PTPRN2: variants seen among roughly 807,000 people sequenced by gnomAD.
The protein encoded by PTPRN2 is receptor-type tyrosine-protein phosphatase N2.
Under a neutral mutation model 118.8 loss-of-function variants are expected in PTPRN2, and 74 were observed. The ratio of observed to expected loss-of-function variants is 0.62; its 90% confidence interval spans 0.52 to 0.76. PTPRN2 has a LOEUF of 0.76. Ranked by LOEUF, PTPRN2 falls within the 30% of genes least tolerant of loss-of-function variation. The pLI is 0.00. For synonymous variants in PTPRN2, 641 were observed against 608.0 expected (o/e 1.05, Z -0.80); for missense variants, 1,481 against 1,394.4 (o/e 1.06, Z -0.99).
At chr7:158,415,887 A>C (rs936147381) in intron 2 of PTPRN2, among the ~76,000 whole-genome samples, 3 of 152,214 alleles carry the variant, frequency 2.0e-5, no homozygotes, top group Non-Finnish European at 4.4e-5. Flanking sequence ...ATACCAGAGC[A>C]TTCCTCAGAG....
intron 11 of PTPRN2, among the ~76,000 whole-genome samples, chr7:157,913,945 G>A (rs976058358): frequency 1.3e-5 from 2 of 152,186 alleles, no homozygotes; most frequent in African/African-American, 4.8e-5. Flanking sequence ...TATTTTCTTT[G>A]TGGGAAGACT....
intron 1 of PTPRN2, among the ~76,000 whole-genome samples, chr7:158,519,362 T>C (rs1466128459): frequency 6.6e-6 from 1 of 152,144 alleles, no homozygotes. Flanking sequence ...AATTACTTTT[T>C]CATACCGAGA....
chr7:157,855,049 G>T (rs1809591626), intron 12 of PTPRN2, among the ~76,000 whole-genome samples: 2 of 151,050 alleles, frequency 1.3e-5, no homozygotes, highest in South Asian at 4.2e-4. Flanking sequence ...CTGTTGCAGG[G>T]GTGTGTGTGG....
intron 12 of PTPRN2, among the ~76,000 whole-genome samples, chr7:157,700,113 A>G (rs533597457): frequency 6.6e-6 from 1 of 152,346 alleles, no homozygotes; most frequent in East Asian, 1.9e-4. Flanking sequence ...ATGCCCAAAG[A>G]AAACCAGAAA....
At chr7:158,345,473 C>T (rs1038095045) in intron 2 of PTPRN2, among the ~76,000 whole-genome samples, 3 of 152,074 alleles carry the variant, frequency 2.0e-5, no homozygotes, top group East Asian at 3.9e-4. Context: ...AGAGAAAGAA[C>T]AAAGACAAAG....
chr7:157,981,538 G>C (rs1285524136), intron 11 of PTPRN2, among the ~76,000 whole-genome samples: 1 of 152,140 alleles, frequency 6.6e-6, no homozygotes, highest in Non-Finnish European at 1.5e-5. Context: ...GTTTTAAAAG[G>C]AGCTTTTCCC....
intron 14 of PTPRN2, among the ~76,000 whole-genome samples, chr7:157,625,775 C>A (rs959885581): frequency 6.6e-6 from 1 of 152,042 alleles, no homozygotes; most frequent in African/African-American, 2.4e-5. Flanking sequence ...CATTTAAATT[C>A]TTTTATTTTA....
In PTPRN2 at chr7:157,676,475, C is replaced by T. The variant is rs1293550384; in HGVS notation, c.2001+6250G>A. On this transcript the variant is annotated intron_variant, in intron 13 of 22. Coordinates refer to ENST00000389418, the MANE Select transcript of PTPRN2 (RefSeq NM_002847.5). The surrounding 1 kb of genome is among the most constrained non-coding windows in gnomAD (Gnocchi z 5.6). ...CTCCTCATCTCCAAGAAATCATCAA[C>T]CGAGAAAAGAAAGGATGTCACCTTT... 1.3e-5 allele frequency among the ~76,000 whole-genome samples: 2 copies of T among 152,250 alleles called. No homozygotes were observed. The highest frequency in any genetic ancestry group is 1.3e-4 in the Admixed American group (2 of 15,294).
chr7:158,486,037 T>C (rs1464580401), intron 2 of PTPRN2, among the ~76,000 whole-genome samples: 1 of 152,266 alleles, frequency 6.6e-6, no homozygotes, highest in Admixed American at 6.5e-5. Context: ...CTTTGTTTAA[T>C]ATTAATGATT....
chr7:158,187,763 C>T (rs757700596), intron 5 of PTPRN2, among the ~76,000 whole-genome samples: 46 of 152,144 alleles, frequency 3.0e-4, no homozygotes, highest in African/African-American at 4.1e-4. Context: ...GGAATGACCA[C>T]GGAGCTCATT....
chr7:158,527,533 T>C (rs1824879426), intron 1 of PTPRN2, among the ~76,000 whole-genome samples: 1 of 151,928 alleles, frequency 6.6e-6, no homozygotes, highest in Admixed American at 6.5e-5. Context: ...CTTCTGAGAA[T>C]ACCGTGGAGT....
chr7:158,490,899 G>C (rs1032584724), intron 1 of PTPRN2, among the ~76,000 whole-genome samples: 3 of 152,240 alleles, frequency 2.0e-5, no homozygotes, highest in Non-Finnish European at 2.9e-5. Flanking sequence ...CCGGGCACAC[G>C]CCTGTTTCCA....
intron 12 of PTPRN2, among the ~76,000 whole-genome samples, chr7:157,777,808 T>C (rs1244701312): frequency 5.9e-5 from 9 of 152,256 alleles, no homozygotes; most frequent in African/African-American, 1.9e-4. Flanking sequence ...TGAAAATTTC[T>C]TTATTGTTAT....
At chr7:157,621,645 G>A (rs528021910) in intron 14 of PTPRN2, 136 bp from the exon 15 acceptor site, 27 of 1,088,352 alleles carry the variant, frequency 2.5e-5, no homozygotes, top group Admixed American at 8.1e-5. Context: ...GCCATGGTGC[G>A]ACGTTGTGCT....
chr7:158,136,841 C>A, intron 7 of PTPRN2, 146 bp from the exon 8 acceptor site: 1 of 739,040 alleles, frequency 1.4e-6, no homozygotes, highest in Non-Finnish European at 2.3e-6. Flanking sequence ...TAGAGTAAAC[C>A]TTTTCTGTTT....
intron 2 of PTPRN2, among the ~76,000 whole-genome samples, chr7:158,460,117 G>A (rs533610585): frequency 1.0e-4 from 12 of 119,600 alleles, no homozygotes; most frequent in African/African-American, 3.2e-4. Flanking sequence ...CAGCACAGGA[G>A]GGTCATCCAG....
chr7:157,608,607 C>T (rs1425686840), intron 15 of PTPRN2, among the ~76,000 whole-genome samples: 8 of 152,134 alleles, frequency 5.3e-5, no homozygotes, highest in African/African-American at 7.2e-5. Flanking sequence ...ATCCAGTTCC[C>T]GAGTCCCCTA....
chr7:158,432,646 T>A (rs1816306723), intron 2 of PTPRN2, among the ~76,000 whole-genome samples: 1 of 152,216 alleles, frequency 6.6e-6, no homozygotes, highest in Non-Finnish European at 1.5e-5. Context: ...TTACAAACTT[T>A]TTGTTGAGAT....
At chr7:158,341,524 C>T (rs1370242865) in intron 2 of PTPRN2, among the ~76,000 whole-genome samples, 4 of 125,600 alleles carry the variant, frequency 3.2e-5, no homozygotes, top group African/African-American at 1.2e-4. Context: ...CACACCCACA[C>T]TCTCACCATA....
Sources: allele counts gnomAD v4.1 joint callset (sites outside exome capture counted in the v4.1 genomes callset), GRCh38; gene constraint gnomAD v4.1.1; non-coding constraint Gnocchi (gnomAD v3.1); transcripts MANE v1.5; gene names NCBI Gene and HGNC (gene_info 2026-07-23, HGNC 2026-07-21).